Variants in ZNF462 observed in about 807,000 individuals in gnomAD.
The protein encoded by ZNF462 is zinc finger protein 462.
ZNF462 carries 10 observed loss-of-function variants against 201.9 expected under a neutral mutation model. That is an observed-to-expected ratio of 0.05 (90% CI 0.03 to 0.08). The LOEUF (loss-of-function observed/expected upper bound fraction) is 0.08. ZNF462 is among the 10% of genes least tolerant of loss of function. The pLI is 1.00. For missense variants in ZNF462, 2,523 were observed against 3,168.3 expected (o/e 0.80, Z 4.89); for synonymous variants, 1,227 against 1,193.3 (o/e 1.03, Z -0.58).
rs1455257069 is a variant in ZNF462 at position 106,938,944 on chromosome 9, C to T, written c.6264C>T (p.Cys2088=). 6.2e-7 allele frequency: 1 copy of T among 1,611,774 alleles called. No homozygotes were observed. The part of the protein sequence containing the change: ...AGEHAYKCSW[C]SFSTMTISQL... ...AGCATGCCTACAAGTGTTCTTGGTG[C>T]TCATTCTCCACCATGACAATCAGCC... The change falls in exon 7 of 13, where the codon TGC becomes TGT. Residue 2088 remains cysteine (C), a synonymous_variant. Coordinates refer to ENST00000277225, the MANE Select transcript of ZNF462 (RefSeq NM_021224.6). This position sits in a 1 kb window ranked among gnomAD's most constrained non-coding sequence, Gnocchi z 4.4.
intron 7 of ZNF462, among the ~76,000 whole-genome samples, chr9:106,952,287 T>C (rs776363154): frequency 1.7e-4 from 26 of 152,232 alleles, no homozygotes; most frequent in Non-Finnish European, 3.7e-4. Flanking sequence ...TTTATGGGGT[T>C]ATTTCAAGGA....
At position 106,993,083 on chromosome 9, in the gene ZNF462, T is replaced by C. The variant is rs1222228295; in HGVS notation, c.7056+8674T>C. On this transcript the variant is annotated intron_variant, in intron 10 of 12. Transcript: ENST00000277225. The surrounding 1 kb of genome is among the most constrained non-coding windows in gnomAD (Gnocchi z 4.0). ...TTCTTCTACAAATAGCATTAGGTGA[T>C]TTGTGTGGTGGGGAGAATCTACAGA... is the stretch of plus-strand genomic sequence containing the variant. Among the ~76,000 whole-genome samples, 2 of 152,126 alleles carry C rather than the reference T, an allele frequency of 1.3e-5. No individual in the cohort carries two copies. The highest frequency in any genetic ancestry group is 4.8e-5 in the African/African-American group (2 of 41,442).
rs775933300 is a variant in ZNF462 at position 106,925,436 on chromosome 9, C to A, written c.1524C>A (p.Ser508Arg). The change falls in exon 3 of 13, where the codon AGC (serine) becomes AGA (arginine). Residue 508 changes from serine to arginine, a missense_variant. Physicochemically the swap from Ser to Arg is moderately radical, Grantham distance 110. Around this residue, in one of 15 missense-constraint regions of ZNF462, gnomAD observed 383 missense variants for 453.4 expected, o/e 0.84. Transcript: ENST00000277225. This position sits in a 1 kb window ranked among gnomAD's most constrained non-coding sequence, Gnocchi z 7.9. ...DWDAVNSQSE[S>R]ISSSLNEGVV... is the part of the protein sequence containing the mutation. The stretch of plus-strand genomic sequence containing the variant: ...ATGCTGTGAATTCCCAGAGTGAAAG[C>A]ATTTCTTCCTCACTGAATGAAGGTG... 1 of 1,614,162 alleles carries A rather than the reference C, an allele frequency of 6.2e-7. No homozygotes were observed. Among genetic ancestry groups the A allele is most frequent in the Non-Finnish European group, 8.5e-7 (1 of 1,180,024 alleles).
intron 7 of ZNF462, among the ~76,000 whole-genome samples, chr9:106,949,565 A>G (rs1465596406): frequency 4.6e-5 from 7 of 152,200 alleles, no homozygotes; most frequent in Admixed American, 6.5e-5. Context: ...TCTGCAAATG[A>G]AGCAACTAAT....
At position 107,011,147 on chromosome 9, in the gene ZNF462, A is replaced by G. The variant is rs1829906610; in HGVS notation, c.*117A>G. The G allele has an allele frequency of 8.8e-6, 8 of 904,294 alleles. No individual in the cohort carries two copies. Among genetic ancestry groups the G allele is most frequent in the South Asian group, 1.7e-5 (1 of 59,484 alleles). The allele number at this position is 904,294 out of a possible 1,614,324, so 56.0% of individuals were successfully genotyped here. ...AGAAGACAGAACAAAGCTGCTTTTT[A>G]GGACTGAACAATCTATTTTCAAAGC... On this transcript the variant is annotated 3_prime_UTR_variant, in exon 13 of 13. Coordinates refer to ENST00000277225, the MANE Select transcript of ZNF462 (RefSeq NM_021224.6). This position sits in a 1 kb window ranked among gnomAD's most constrained non-coding sequence, Gnocchi z 5.6.
chr9:106,976,997 T>C (rs777400443), intron 9 of ZNF462, among the ~76,000 whole-genome samples: 1 of 152,122 alleles, frequency 6.6e-6, no homozygotes, highest in Non-Finnish European at 1.5e-5. Flanking sequence ...TATCACCCTG[T>C]TGAGTGTTCT....
intron 1 of ZNF462, among the ~76,000 whole-genome samples, chr9:106,899,140 C>T (rs1233611044): frequency 6.7e-6 from 1 of 148,760 alleles, no homozygotes; most frequent in Non-Finnish European, 1.5e-5. Flanking sequence ...CCTCAGGCCT[C>T]TTTGACTCTT....
chr9:106,932,488 T>A lies in ZNF462; in HGVS notation c.6055T>A (p.Phe2019Ile). Reference protein sequence around the residue: ...HERSHLALAMFTREDKYSCQY... With the variant: ...HERSHLALAMITREDKYSCQY... Reference sequence around the variant, plus strand: ...GAGGAGCCACCTGGCCCTGGCCATGTTTACCCGCGAGGACAAGTACAGCTG... The same window carrying A: ...GAGGAGCCACCTGGCCCTGGCCATGATTACCCGCGAGGACAAGTACAGCTG... Residue 2019 changes from phenylalanine to isoleucine, a missense_variant, in exon 5 of 13, where the codon TTT (phenylalanine) becomes ATT (isoleucine). Phe to Ile is a conservative substitution (Grantham distance 21, BLOSUM62 0). This residue lies in a region of ZNF462 where 107 missense variants were observed against 187.7 expected (regional missense o/e 0.57). Transcript: ENST00000277225. The surrounding 1 kb of genome is among the most constrained non-coding windows in gnomAD (Gnocchi z 6.8). 6.2e-7 allele frequency: 1 copy of A among 1,614,212 alleles called. No individual in the cohort carries two copies. Among genetic ancestry groups the A allele is most frequent in the Non-Finnish European group, 8.5e-7 (1 of 1,180,042 alleles).
At chr9:106,940,955 T>C (rs1414431780) in intron 7 of ZNF462, among the ~76,000 whole-genome samples, 1 of 152,250 alleles carries the variant, frequency 6.6e-6, no homozygotes, top group East Asian at 1.9e-4. Flanking sequence ...AATTAATTGT[T>C]TTCATCTGAC....
intron 1 of ZNF462, among the ~76,000 whole-genome samples, chr9:106,873,390 G>T (rs977537725): frequency 2.0e-5 from 3 of 150,946 alleles, no homozygotes; most frequent in East Asian, 3.9e-4. Flanking sequence ...CCACCTACCT[G>T]TTATGGCAGG....
At chr9:106,892,457 A>G (rs1229827452) in intron 1 of ZNF462, among the ~76,000 whole-genome samples, 1 of 152,126 alleles carries the variant, frequency 6.6e-6, no homozygotes, top group African/African-American at 2.4e-5. Context: ...TCAGGGTCTC[A>G]CAGTGTTGGA....
chr9:107,009,425 TG>T lies in ZNF462; in HGVS notation c.7190-119del. On this transcript the variant is annotated intron_variant, in intron 11 of 12. Coordinates refer to ENST00000277225, the MANE Select transcript of ZNF462 (RefSeq NM_021224.6). The surrounding 1 kb of genome is among the most constrained non-coding windows in gnomAD (Gnocchi z 6.1). Reference sequence around the variant, plus strand: ...AAGAAAAAGTGAGGAATCTGGAAATTGCTTTCACCACATGGCTTTATCAGTG... The same window carrying T: ...AAGAAAAAGTGAGGAATCTGGAAATTCTTTCACCACATGGCTTTATCAGTG... 1 of 1,339,774 alleles carries T rather than the reference TG, an allele frequency of 7.5e-7. No individual in the cohort carries two copies. Among genetic ancestry groups the T allele is most frequent in the South Asian group, 1.5e-5 (1 of 67,126 alleles). 83.0% of individuals were successfully genotyped at this position (1,339,774 alleles called of 1,614,324 possible).
chr9:106,897,448 A>G (rs1187204700), intron 1 of ZNF462, among the ~76,000 whole-genome samples: 1 of 152,026 alleles, frequency 6.6e-6, no homozygotes, highest in East Asian at 1.9e-4. Flanking sequence ...CAGTGACCTC[A>G]TTCTACTTTA....
rs569948588 is a variant in ZNF462 at position 106,873,290 on chromosome 9, A to C, written c.-31+9935A>C. On this transcript the variant is annotated intron_variant, in intron 1 of 12. Transcript: ENST00000277225. ...AGCGCCCTTTTCTGAATTGTAGAGG[A>C]GATGATAGGGAAAAAAAGCAAGACA... Among the ~76,000 whole-genome samples, 5 of 152,270 alleles carry C rather than the reference A, an allele frequency of 3.3e-5. No individual in the cohort carries two copies. The South Asian group carries it at 1.0e-3, about 32-fold the overall frequency.
chr9:106,935,539 T>C lies in ZNF462; in HGVS notation c.6153T>C (p.His2051=). 6.2e-7 allele frequency: 1 copy of C among 1,614,106 alleles called. No individual in the cohort carries two copies. Among genetic ancestry groups the C allele is most frequent in the Non-Finnish European group, 8.5e-7 (1 of 1,179,990 alleles). Reference sequence around the variant, plus strand: ...ATATGCAAACCCACCACGGACACCATAAACCATTCCGATGCAAACTCTGCT... The same window carrying C: ...ATATGCAAACCCACCACGGACACCACAAACCATTCCGATGCAAACTCTGCT... ...DRHMQTHHGH[H]KPFRCKLCSF... is the part of the protein sequence containing the mutation. The change falls in exon 6 of 13, where the codon CAT becomes CAC. Residue 2051 remains histidine (H), a synonymous_variant. Coordinates refer to ENST00000277225, the MANE Select transcript of ZNF462 (RefSeq NM_021224.6). The surrounding 1 kb of genome is among the most constrained non-coding windows in gnomAD (Gnocchi z 4.1).
intron 1 of ZNF462, among the ~76,000 whole-genome samples, chr9:106,873,913 A>G (rs867792112): frequency 6.6e-6 from 1 of 152,160 alleles, no homozygotes; most frequent in Non-Finnish European, 1.5e-5. Flanking sequence ...AAATCCTAAC[A>G]TTGCTATGGA....
At position 106,928,638 on chromosome 9, in the gene ZNF462, G is replaced by A. The variant is rs555892467; in HGVS notation, c.4726G>A (p.Ala1576Thr). 10 of 1,614,160 alleles carry A rather than the reference G, an allele frequency of 6.2e-6. No individual in the cohort carries two copies. The highest frequency in any genetic ancestry group is 2.2e-5 in the South Asian group (2 of 91,080). The stretch of plus-strand genomic sequence containing the variant: ...CAGGATCTTCAAGCAAGGGTATGGC[G>A]CCTACCGGTGCAAACTGTGTCCGTA... ...TSRIFKQGYGAYRCKLCPYTH... is the reference protein window; with the variant it reads ...TSRIFKQGYGTYRCKLCPYTH... Residue 1576 changes from alanine to threonine, a missense_variant, in exon 3 of 13, where the codon GCC becomes ACC. Physicochemically the swap from Ala to Thr is moderately conservative, Grantham distance 58. Around this residue, in one of 15 missense-constraint regions of ZNF462, gnomAD observed 200 missense variants for 281.3 expected, o/e 0.71. Coordinates refer to ENST00000277225, the MANE Select transcript of ZNF462 (RefSeq NM_021224.6). This position sits in a 1 kb window ranked among gnomAD's most constrained non-coding sequence, Gnocchi z 9.3.
In ZNF462 at chr9:106,939,115, T is replaced by C. The variant is rs762961646; in HGVS notation, c.6427+8T>C. ...AAGTGGAAGACTCCAATGGTAAAAA[T>C]GGGCTTCCAAGCTGGAATTAACCAC... On this transcript the variant is annotated splice_region_variant and intron_variant, in intron 7 of 12. Transcript: ENST00000277225. The C allele has an allele frequency of 6.3e-7, 1 of 1,578,224 alleles. No homozygotes were observed. The highest frequency in any genetic ancestry group is 1.2e-5 in the South Asian group (1 of 85,386).
intron 1 of ZNF462, among the ~76,000 whole-genome samples, chr9:106,877,216 G>A (rs1477883754): frequency 6.6e-6 from 1 of 151,360 alleles, no homozygotes; most frequent in Non-Finnish European, 1.5e-5. Flanking sequence ...GAATGTTAGT[G>A]GGAAAGATGA....
Sources: gnomAD v4.1 joint callset for allele counts (sites outside exome capture counted in the v4.1 genomes callset) on GRCh38, gnomAD v4.1.1 for gene constraint, gnomAD v4.1.1 regional missense constraint, Gnocchi (gnomAD v3.1) non-coding constraint, MANE v1.5 for transcripts, NCBI Gene and HGNC (gene_info 2026-07-23, HGNC 2026-07-21) for gene names.